VSTM5: variants seen among roughly 807,000 people sequenced by gnomAD.
VSTM5 encodes V-set and transmembrane domain-containing protein 5.
VSTM5 carries 21 observed loss-of-function variants against 20.3 expected under a neutral mutation model. The ratio of observed to expected loss-of-function variants is 1.03; its 90% confidence interval spans 0.73 to 1.49. VSTM5 has a LOEUF of 1.49. Ranked by LOEUF, VSTM5 falls within the 40% of genes most tolerant of loss-of-function variation. The pLI, the probability that VSTM5 is intolerant of heterozygous loss-of-function variation, is 0.00. For missense variants in VSTM5, 219 were observed against 250.0 expected (o/e 0.88, Z 0.84); for synonymous variants, 100 against 102.5 (o/e 0.98, Z 0.14).
At chr11:93,842,574 A>G (rs1341568529) in intron 1 of VSTM5, among the ~76,000 whole-genome samples, 2 of 152,250 alleles carry the variant, frequency 1.3e-5, no homozygotes, top group African/African-American at 4.8e-5. Flanking sequence ...ACCCTGCACC[A>G]GTGTGCAAGG....
intron 1 of VSTM5, among the ~76,000 whole-genome samples, chr11:93,833,868 A>G (rs2135734752): frequency 6.6e-6 from 1 of 151,928 alleles, no homozygotes; most frequent in South Asian, 2.1e-4. Context: ...TCCTCCCTCT[A>G]GTCATCCTCA....
intron 1 of VSTM5, among the ~76,000 whole-genome samples, chr11:93,843,791 C>A (rs1944390590): frequency 6.6e-6 from 1 of 152,178 alleles, no homozygotes; most frequent in Admixed American, 6.5e-5. Context: ...CCTCAGTAAT[C>A]TGGTCCCAAC....
chr11:93,828,441 C>A (rs1341850588), intron 1 of VSTM5, among the ~76,000 whole-genome samples: 1 of 152,178 alleles, frequency 6.6e-6, no homozygotes, highest in Non-Finnish European at 1.5e-5. Flanking sequence ...CCTTTTCTTA[C>A]AAATAAATTA....
At chr11:93,848,002 A>G (rs943501274) in intron 1 of VSTM5, among the ~76,000 whole-genome samples, 2 of 152,158 alleles carry the variant, frequency 1.3e-5, no homozygotes, top group African/African-American at 4.8e-5. Flanking sequence ...CCATTATGGG[A>G]TCCCACCTCA....
At chr11:93,845,354 A>G (rs972792025) in intron 1 of VSTM5, among the ~76,000 whole-genome samples, 1 of 152,216 alleles carries the variant, frequency 6.6e-6, no homozygotes, top group African/African-American at 2.4e-5. Context: ...TGGGGTCAGC[A>G]TGGCACGGAC....
Position 93,820,270 on chromosome 11 carries a change from C to T in VSTM5, c.*299G>A. 2.5e-6 allele frequency: 1 copy of T among 403,680 alleles called. No individual in the cohort carries two copies. The highest frequency in any genetic ancestry group is 4.6e-6 in the Non-Finnish European group (1 of 219,198). 25.0% of individuals were successfully genotyped at this position (403,680 alleles called of 1,614,324 possible). A position where few individuals can be genotyped will look rare whatever the true frequency, so the allele number is the denominator to read the frequency against. The stretch of plus-strand genomic sequence containing the variant: ...CAGAGCAAGTGTCGTGAGCAAGCAG[C>T]CAACGCCTGCACTCACCCATTGGTT... On this transcript the variant is annotated 3_prime_UTR_variant, in exon 4 of 4. Coordinates refer to ENST00000409977, the MANE Select transcript of VSTM5 (RefSeq NM_001144871.2).
In VSTM5 at chr11:93,845,210, C is replaced by T. The variant is rs143938917; in HGVS notation, c.91+5202G>A. Among the ~76,000 whole-genome samples, 1,025 of 152,290 alleles carry T rather than the reference C, an allele frequency of 6.7e-3. 21 individuals carry two copies. Among genetic ancestry groups the T allele is most frequent in the African/African-American group, 0.024 (979 of 41,548 alleles). On this transcript the variant is annotated intron_variant, in intron 1 of 3. Coordinates refer to ENST00000409977, the MANE Select transcript of VSTM5 (RefSeq NM_001144871.2). ...CCTCAGAGATAGTGATCTAATTGGT[C>T]TACAGCAGGATGTGGGCATCTTACT...
intron 1 of VSTM5, among the ~76,000 whole-genome samples, chr11:93,835,326 G>C (rs1944315072): frequency 6.6e-6 from 1 of 152,132 alleles, no homozygotes; most frequent in African/African-American, 2.4e-5. Flanking sequence ...AGGAGACTGA[G>C]GGGGGAAGAT....
chr11:93,834,607 G>C (rs370200131), intron 1 of VSTM5, among the ~76,000 whole-genome samples: 6,278 of 151,570 alleles, frequency 0.041, 407 homozygotes, highest in African/African-American at 0.14. Context: ...CACATGTAAA[G>C]TCCGGGTCTA....
Position 93,818,467 on chromosome 11 carries a change from C to G in VSTM5, c.*2102G>C. Reference sequence around the variant, plus strand: ...AGAAATGGAAAGCCAAGGAAAGAAGCTTTTTTTAAAAAAAACATTGTAACT... The same window carrying G: ...AGAAATGGAAAGCCAAGGAAAGAAGGTTTTTTTAAAAAAAACATTGTAACT... On this transcript the variant is annotated 3_prime_UTR_variant, in exon 4 of 4. Transcript: ENST00000409977. 1 of 139,756 alleles carries G rather than the reference C, an allele frequency of 7.2e-6. No homozygotes were observed. The highest frequency in any genetic ancestry group is 1.5e-5 in the Non-Finnish European group (1 of 66,106). The allele number at this position is 139,756 out of a possible 1,614,324, so 8.7% of individuals were successfully genotyped here.
chr11:93,834,431 T>G (rs1351088546), intron 1 of VSTM5, among the ~76,000 whole-genome samples: 1 of 152,158 alleles, frequency 6.6e-6, no homozygotes, highest in South Asian at 2.1e-4. Flanking sequence ...TTTTGAGGGC[T>G]CATCCTCTTT....
In VSTM5 at chr11:93,820,393, G is replaced by T; in HGVS notation, c.*176C>A. On this transcript the variant is annotated 3_prime_UTR_variant, in exon 4 of 4. Coordinates refer to ENST00000409977, the MANE Select transcript of VSTM5 (RefSeq NM_001144871.2). ...GAACTTAGCGCGAGTCCTAATACTA[G>T]CTTTGTCCCATCCACAGTCCTCAAC... 1 of 666,524 alleles carries T rather than the reference G, an allele frequency of 1.5e-6. No homozygotes were observed. Among genetic ancestry groups the T allele is most frequent in the Non-Finnish European group, 2.6e-6 (1 of 389,884 alleles). 41.3% of individuals were successfully genotyped at this position (666,524 alleles called of 1,614,324 possible). A position where few individuals can be genotyped will look rare whatever the true frequency, so the allele number is the denominator to read the frequency against.
intron 1 of VSTM5, among the ~76,000 whole-genome samples, chr11:93,848,214 C>T (rs145657248): frequency 3.4e-4 from 52 of 152,310 alleles, no homozygotes; most frequent in African/African-American, 1.2e-3. Flanking sequence ...AAGCTTTTGA[C>T]ACAGGCAGAA....
At chr11:93,827,482 C>G (rs974521134) in intron 1 of VSTM5, 3 of 152,128 alleles carry the variant, frequency 2.0e-5, no homozygotes, top group Non-Finnish European at 4.4e-5. Context: ...TAATGAGTAA[C>G]CACGTCTGCA....
At chr11:93,823,549 C>T (rs763055610) in intron 1 of VSTM5, among the ~76,000 whole-genome samples, 4 of 152,142 alleles carry the variant, frequency 2.6e-5, no homozygotes, top group Non-Finnish European at 4.4e-5. Context: ...CCCACTGGCC[C>T]CAGCCTCTGG....
intron 1 of VSTM5, among the ~76,000 whole-genome samples, chr11:93,846,079 C>T (rs1483544427): frequency 6.6e-6 from 1 of 152,224 alleles, no homozygotes; most frequent in Non-Finnish European, 1.5e-5. Context: ...AACTCCTGAG[C>T]TCAAGTGATC....
intron 1 of VSTM5, among the ~76,000 whole-genome samples, chr11:93,845,364 C>A (rs911408470): frequency 6.6e-6 from 1 of 152,190 alleles, no homozygotes; most frequent in Non-Finnish European, 1.5e-5. Context: ...ATGGCACGGA[C>A]CTGAACTGCC....
intron 1 of VSTM5, among the ~76,000 whole-genome samples, chr11:93,823,492 A>C (rs1944206806): frequency 6.6e-6 from 1 of 152,202 alleles, no homozygotes; most frequent in Non-Finnish European, 1.5e-5. Flanking sequence ...GAATTTGTTC[A>C]TCTTATAACT....
intron 1 of VSTM5, among the ~76,000 whole-genome samples, chr11:93,837,022 C>CACACACACAA (rs1944328818): frequency 1.3e-5 from 2 of 150,746 alleles, no homozygotes. Context: ...CACACACACA[C>CACACACACAA]ACACACACAC....
Sources: allele counts gnomAD v4.1 joint callset (sites outside exome capture counted in the v4.1 genomes callset), GRCh38; gene constraint gnomAD v4.1.1; transcripts MANE v1.5; gene names NCBI Gene and HGNC (gene_info 2026-07-23, HGNC 2026-07-21).